The following FRK variants were observed in gnomAD, a reference collection of about 807,000 sequenced individuals.
FRK encodes tyrosine-protein kinase FRK.
Under a neutral mutation model 56.4 loss-of-function variants are expected in FRK, and 51 were observed. The ratio of observed to expected loss-of-function variants is 0.90; its 90% CI spans 0.72 to 1.14. The LOEUF (loss-of-function observed/expected upper bound fraction) is 1.14, where lower values mean the gene tolerates loss of function less well. Among genes scored for constraint, FRK ranks in the 50% most tolerant of loss-of-function variants. The pLI, the probability that FRK is intolerant of heterozygous loss-of-function variation, is 0.00. For synonymous variants in FRK, 245 were observed against 217.9 expected (o/e 1.12, Z -1.10); for missense variants, 570 against 601.4 (o/e 0.95, Z 0.55).
At chr6:116,087,953 G>A in the FRK span, among the ~76,000 whole-genome samples, 1 of 152,180 alleles carries the variant, frequency 6.6e-6, no homozygotes, top group Non-Finnish European at 1.5e-5. Context: ...GAGGCCATAG[G>A]AGCCCAAGTA....
Position 115,958,716 on chromosome 6 carries a change from A to AAAGAAGG in FRK, c.800-2107_800-2106insCCTTCTT, listed in dbSNP as rs1773166404. On this transcript the variant is annotated intron_variant, in intron 4 of 7. Transcript: ENST00000606080. The stretch of plus-strand genomic sequence containing the variant: ...AGAAAGAAAGAAAGAAGAAAGAAAG[A>AAAGAAGG]AAGAAAGAAAGAAAGAAAGAAAGAA... 9.9e-5 allele frequency among the ~76,000 whole-genome samples: 2 copies of AAAGAAGG among 20,266 alleles called. 1 individual carries two copies. Among genetic ancestry groups the AAAGAAGG allele is most frequent in the African/African-American group, 4.1e-4 (2 of 4,884 alleles). The allele number at this position is 20,266 out of a possible 152,430, so 13.3% of individuals were successfully genotyped here. A position where few individuals can be genotyped will look rare whatever the true frequency, so the allele number is the denominator to read the frequency against.
intron 2 of FRK, among the ~76,000 whole-genome samples, chr6:115,996,263 T>C (rs564696894): frequency 6.6e-6 from 1 of 152,256 alleles, no homozygotes; most frequent in East Asian, 1.9e-4. Flanking sequence ...AATGTTCGCA[T>C]TAATTTTGAA....
At chr6:116,004,422 A>T in intron 1 of FRK, among the ~76,000 whole-genome samples, 1 of 152,172 alleles carries the variant, frequency 6.6e-6, no homozygotes, top group Admixed American at 6.5e-5. Flanking sequence ...AAATATTCCA[A>T]TCAAAGGATC....
intron 1 of FRK, among the ~76,000 whole-genome samples, chr6:116,024,701 T>C (rs1776020360): frequency 6.6e-6 from 1 of 152,206 alleles, no homozygotes; most frequent in Admixed American, 6.5e-5. Context: ...GTCTTTGCTA[T>C]TGTGAACAGT....
At chr6:116,020,906 G>T (rs2114734914) in intron 1 of FRK, among the ~76,000 whole-genome samples, 1 of 152,106 alleles carries the variant, frequency 6.6e-6, no homozygotes, top group Middle Eastern at 3.4e-3. Context: ...TGTATTTCTT[G>T]TGGTTTACTT....
intron 1 of FRK, among the ~76,000 whole-genome samples, chr6:116,024,028 G>C (rs1369603974): frequency 6.7e-6 from 1 of 149,984 alleles, no homozygotes; most frequent in Admixed American, 6.7e-5. Flanking sequence ...CATACAGTTT[G>C]TGTCTGCTGC....
chr6:115,970,651 C>T (rs1350045308), intron 2 of FRK, among the ~76,000 whole-genome samples: 8 of 152,188 alleles, frequency 5.3e-5, no homozygotes, highest in Non-Finnish European at 1.0e-4. Context: ...TTAGTCACAG[C>T]ATCTGGGGAG....
At chr6:115,974,065 T>A (rs1312435734) in intron 2 of FRK, among the ~76,000 whole-genome samples, 1 of 152,154 alleles carries the variant, frequency 6.6e-6, no homozygotes, top group Non-Finnish European at 1.5e-5. Flanking sequence ...GAGAAGTCCA[T>A]AAATTAAAGC....
the FRK span, among the ~76,000 whole-genome samples, chr6:116,094,858 G>A: frequency 3.2e-4 from 48 of 152,088 alleles, no homozygotes; most frequent in Non-Finnish European, 2.4e-4. Flanking sequence ...AGATAGACAG[G>A]GAGTAAGAAA....
intron 1 of FRK, among the ~76,000 whole-genome samples, chr6:116,059,668 G>A (rs1317090411): frequency 6.6e-6 from 1 of 152,124 alleles, no homozygotes; most frequent in Non-Finnish European, 1.5e-5. Context: ...TGAGGCATGA[G>A]TTATTTTACA....
intron 1 of FRK, among the ~76,000 whole-genome samples, chr6:116,029,384 AT>A (rs1776216710): frequency 6.6e-6 from 1 of 152,144 alleles, no homozygotes; most frequent in African/African-American, 2.4e-5. Flanking sequence ...TGCTCAGATA[AT>A]GATGATGCAA....
intron 2 of FRK, 53 bp downstream of exon 2, chr6:116,003,824 C>T: frequency 6.3e-7 from 1 of 1,594,216 alleles, no homozygotes; most frequent in South Asian, 1.1e-5. Context: ...ACAGAAAGCT[C>T]ATGACTGCAG....
chr6:115,949,122 G>T (rs1772594324), intron 5 of FRK, among the ~76,000 whole-genome samples: 1 of 152,120 alleles, frequency 6.6e-6, no homozygotes, highest in Admixed American at 6.5e-5. Context: ...TGTGATTTTT[G>T]CACATTGATT....
rs563370205 is a variant in FRK, at chr6:116,060,427, C to T, written c.-116G>A. 1.3e-5 allele frequency: 10 copies of T among 762,338 alleles called. No homozygotes were observed. In the East Asian group the frequency reaches 1.6e-4, roughly 12 times the overall value. 47.2% of individuals were successfully genotyped at this position (762,338 alleles called of 1,614,324 possible). On this transcript the variant is annotated 5_prime_UTR_variant, in exon 1 of 8. Coordinates refer to ENST00000606080, the MANE Select transcript of FRK (RefSeq NM_002031.3). ...AAGTCAGCACCAACTCACCATACTT[C>T]GGAGAGTATGCAAAGTCCCGTTTCA...
chr6:115,949,453 G>A (rs1245512536), intron 5 of FRK, among the ~76,000 whole-genome samples: 1 of 152,072 alleles, frequency 6.6e-6, no homozygotes, highest in Non-Finnish European at 1.5e-5. Context: ...TTTGACATAT[G>A]TTCTGTCCAT....
the FRK span, among the ~76,000 whole-genome samples, chr6:116,087,527 C>T: frequency 3.3e-5 from 5 of 152,274 alleles, no homozygotes; most frequent in South Asian, 2.1e-4. Context: ...AGTCATGACA[C>T]GAACACGTTT....
chr6:116,042,792 A>G (rs1776773030), intron 1 of FRK, among the ~76,000 whole-genome samples: 1 of 152,196 alleles, frequency 6.6e-6, no homozygotes, highest in Non-Finnish European at 1.5e-5. Context: ...CAGACTGGCA[A>G]ATTAGATAAA....
chr6:116,018,868 A>C (rs1775756923), intron 1 of FRK, among the ~76,000 whole-genome samples: 1 of 152,150 alleles, frequency 6.6e-6, no homozygotes, highest in Non-Finnish European at 1.5e-5. Flanking sequence ...GGATTTTAAA[A>C]TCTTATAGAT....
intron 5 of FRK, among the ~76,000 whole-genome samples, chr6:115,950,283 T>A (rs987118571): frequency 2.0e-5 from 3 of 152,262 alleles, no homozygotes; most frequent in South Asian, 2.1e-4. Context: ...AATCTATCCA[T>A]CTGACAAAGG....
Sources: allele counts gnomAD v4.1 joint callset (sites outside exome capture counted in the v4.1 genomes callset), GRCh38; gene constraint gnomAD v4.1.1; transcripts MANE v1.5; gene names NCBI Gene and HGNC (gene_info 2026-07-23, HGNC 2026-07-21).